Variants in RFX4 observed in about 807,000 individuals in gnomAD.
The protein encoded by RFX4 is regulatory factor X4, also known as transcription factor RFX4.
In RFX4, 10 loss-of-function variants were observed where a neutral mutation model predicts 95.0. The ratio of observed to expected loss-of-function variants is 0.11; its 90% CI spans 0.06 to 0.18. The LOEUF is 0.18. Among genes scored for constraint, RFX4 ranks in the 10% least tolerant of loss-of-function variants. The pLI is 1.00. For synonymous variants in RFX4, 321 were observed against 340.7 expected, an observed-to-expected ratio of 0.94 and a Z score of 0.64; for missense variants, 640 against 922.0, an observed-to-expected ratio of 0.69 and a Z score of 3.96.
chr12:106,741,806 T>TG (rs754055302), intron 15 of RFX4, among the ~76,000 whole-genome samples: 5 of 151,776 alleles, frequency 3.3e-5, no homozygotes, highest in African/African-American at 7.3e-5. Context: ...GGGGAAGAGG[T>TG]GGGGGGGATG....
chr12:106,712,385 C>T (rs1000733031), intron 10 of RFX4, among the ~76,000 whole-genome samples: 3 of 152,182 alleles, frequency 2.0e-5, no homozygotes, highest in South Asian at 4.1e-4. Context: ...CAGCAGCCAC[C>T]GTCCTCATTC....
chr12:106,728,989 C>T (rs959641751), intron 13 of RFX4, among the ~76,000 whole-genome samples: 1 of 152,160 alleles, frequency 6.6e-6, no homozygotes, highest in Admixed American at 6.5e-5. Context: ...AGCTTGAAGG[C>T]CCATGTCAAA....
At chr12:106,624,873 C>T (rs548353160) in intron 2 of RFX4, among the ~76,000 whole-genome samples, 3 of 152,080 alleles carry the variant, frequency 2.0e-5, no homozygotes, top group African/African-American at 4.8e-5. Context: ...ATTGGCTGGC[C>T]TGCCATAGAG....
chr12:106,635,505 G>T (rs950501753), intron 2 of RFX4, among the ~76,000 whole-genome samples: 12 of 152,120 alleles, frequency 7.9e-5, no homozygotes, highest in East Asian at 3.9e-4. Context: ...TAGAGACAGG[G>T]TTTCACTGTG....
chr12:106,655,545 T>C (rs767922903), intron 4 of RFX4, among the ~76,000 whole-genome samples: 1 of 151,968 alleles, frequency 6.6e-6, no homozygotes, highest in East Asian at 1.9e-4. Flanking sequence ...GCACACAAGG[T>C]GGATGTGTAT....
At chr12:106,685,382 C>T in intron 5 of RFX4, among the ~76,000 whole-genome samples, 1 of 152,160 alleles carries the variant, frequency 6.6e-6, no homozygotes. Flanking sequence ...ATCTTGGGTG[C>T]ATGACTTAAA....
intron 16 of RFX4, among the ~76,000 whole-genome samples, chr12:106,750,149 C>CAT (rs1043350714): frequency 3.3e-5 from 5 of 151,774 alleles, no homozygotes; most frequent in Admixed American, 2.0e-4. Flanking sequence ...TTAAGTTAAC[C>CAT]ATAACAAGGC....
At position 106,641,957 on chromosome 12, in the gene RFX4, A is replaced by ATATC. The variant is rs1342641627; in HGVS notation, c.191+2569_191+2572dup. ...TCTATATCTATGTCTATATCTATCT[A>ATATC]TATCTATATCTATCTATATCTATAT... On this transcript the variant is annotated intron_variant, in intron 3 of 17. Transcript: ENST00000392842. Among the ~76,000 whole-genome samples, 647 of 131,608 alleles carry ATATC rather than the reference A, an allele frequency of 4.9e-3. 3 individuals are homozygous for ATATC. The highest frequency in any genetic ancestry group is 0.014 in the African/African-American group (460 of 32,398). 86.3% of individuals were successfully genotyped at this position (131,608 alleles called of 152,430 possible).
At chr12:106,660,444 ACCT>A (rs1326766478) in intron 4 of RFX4, among the ~76,000 whole-genome samples, 1 of 150,948 alleles carries the variant, frequency 6.6e-6, no homozygotes, top group African/African-American at 2.4e-5. Context: ...TTCACCAGAA[ACCT>A]CCTTCTCCTG....
At chr12:106,674,176 C>T (rs974360590) in intron 4 of RFX4, among the ~76,000 whole-genome samples, 9 of 152,222 alleles carry the variant, frequency 5.9e-5, no homozygotes, top group African/African-American at 2.2e-4. Flanking sequence ...AGCTCCCACC[C>T]AGGTCCTTCC....
intron 15 of RFX4, among the ~76,000 whole-genome samples, chr12:106,733,900 T>C (rs767996389): frequency 1.3e-5 from 2 of 152,212 alleles, no homozygotes; most frequent in African/African-American, 2.4e-5. Flanking sequence ...TTTCTCACAA[T>C]AGCCAAAAGG....
At chr12:106,595,806 C>T (rs186778890) in intron 1 of RFX4, among the ~76,000 whole-genome samples, 37 of 152,280 alleles carry the variant, frequency 2.4e-4, no homozygotes, top group African/African-American at 8.7e-4. Flanking sequence ...CTCTGGAATC[C>T]AGCAGGCTTC....
At chr12:106,628,092 G>A (rs925348820) in intron 2 of RFX4, among the ~76,000 whole-genome samples, 3 of 152,158 alleles carry the variant, frequency 2.0e-5, no homozygotes, top group Non-Finnish European at 2.9e-5. Flanking sequence ...GATTTAAGAT[G>A]ACCTCCTTGG....
rs573209986 is a variant in RFX4, at chr12:106,634,298, G to A, written c.131-5034G>A. On this transcript the variant is annotated intron_variant, in intron 2 of 17. Transcript: ENST00000392842. ...GTCCCCTGGTGTGTGTTTGCCTTGT[G>A]AGGTCCTTGGTGATGCCATTGTCTT... Among the ~76,000 whole-genome samples the A allele has an allele frequency of 1.4e-4, 21 of 152,226 alleles. No individual in the cohort carries two copies. In the South Asian group the frequency reaches 4.4e-3, roughly 32 times the overall value.
Position 106,689,289 on chromosome 12 carries a change from T to A in RFX4, c.594T>A (p.Val198=), listed in dbSNP as rs1284829813. 2 of 1,612,502 alleles carry A rather than the reference T, an allele frequency of 1.2e-6. No homozygotes were observed. Among genetic ancestry groups the A allele is most frequent in the Non-Finnish European group, 1.7e-6 (2 of 1,178,518 alleles). ...NLPASLPEEK[V]STFIMMYRTH... is the part of the protein sequence containing the mutation. ...TGATCCTCTACACACCCCCACAGGT[T>A]TCTACCTTTATTATGATGTACAGAA... The change falls in exon 7 of 18, where the codon GTT becomes GTA. Residue 198 remains valine (V), a splice_region_variant and synonymous_variant. Transcript: ENST00000392842.
intron 15 of RFX4, among the ~76,000 whole-genome samples, chr12:106,738,191 C>T (rs752404828): frequency 6.6e-6 from 1 of 152,178 alleles, no homozygotes; most frequent in South Asian, 2.1e-4. Flanking sequence ...CAGGGAGACA[C>T]ACACGAGTCT....
intron 4 of RFX4, among the ~76,000 whole-genome samples, chr12:106,667,800 G>A (rs528281965): frequency 6.6e-6 from 1 of 152,340 alleles, no homozygotes; most frequent in East Asian, 1.9e-4. Context: ...TTAGGATGGA[G>A]TGGTGACTTC....
At chr12:106,584,734 C>T (rs141301367) in intron 1 of RFX4, among the ~76,000 whole-genome samples, 264 of 152,326 alleles carry the variant, frequency 1.7e-3, no homozygotes, top group Non-Finnish European at 2.8e-3. Context: ...GCCCGGACAC[C>T]GGACTGCTCT....
At chr12:106,692,797 G>A (rs1565982414) in intron 7 of RFX4, among the ~76,000 whole-genome samples, 1 of 152,132 alleles carries the variant, frequency 6.6e-6, no homozygotes, top group Non-Finnish European at 1.5e-5. Context: ...CCTACACGAT[G>A]CCAAGCATTT....
Sources: gnomAD v4.1 joint callset for allele counts (sites outside exome capture counted in the v4.1 genomes callset) on GRCh38, gnomAD v4.1.1 for gene constraint, MANE v1.5 for transcripts, NCBI Gene and HGNC (gene_info 2026-07-23, HGNC 2026-07-21) for gene names.